Variants in BTRC observed in about 807,000 individuals in gnomAD.
The protein encoded by BTRC is beta-transducin repeat containing E3 ubiquitin protein ligase.
BTRC carries 42 observed loss-of-function variants against 85.5 expected under a neutral mutation model. The ratio of observed to expected loss-of-function variants is 0.49; its 90% confidence interval spans 0.38 to 0.64. The LOEUF is 0.64. Among genes scored for constraint, BTRC ranks in the 30% least tolerant of loss-of-function variants. The probability of loss-of-function intolerance (pLI) is 0.00; values close to 1 mark genes in which losing one functional copy is unlikely to be tolerated. For missense variants in BTRC, 594 were observed against 743.5 expected, an observed-to-expected ratio of 0.80 and a Z score of 2.34; for synonymous variants, 255 against 263.3, an observed-to-expected ratio of 0.97 and a Z score of 0.30.
At chr10:101,400,058 C>T (rs1943457480) in intron 1 of BTRC, among the ~76,000 whole-genome samples, 1 of 152,132 alleles carries the variant, frequency 6.6e-6, no homozygotes, top group South Asian at 2.1e-4. Flanking sequence ...AACCTATTCT[C>T]CTGCTAAATT....
intron 9 of BTRC, among the ~76,000 whole-genome samples, chr10:101,533,973 T>G (rs1172743447): frequency 6.6e-6 from 1 of 152,184 alleles, no homozygotes; most frequent in Non-Finnish European, 1.5e-5. Flanking sequence ...AAAAATGATA[T>G]TCTATAAAAG....
chr10:101,488,616 ATG>A (rs1946050584), intron 4 of BTRC, among the ~76,000 whole-genome samples: 1 of 152,196 alleles, frequency 6.6e-6, no homozygotes, highest in Admixed American at 6.5e-5. Flanking sequence ...GGGAAAGTAT[ATG>A]AAGCCATCAT....
chr10:101,434,836 T>C (rs1027737303), intron 2 of BTRC, among the ~76,000 whole-genome samples: 4 of 151,178 alleles, frequency 2.6e-5, no homozygotes, highest in Non-Finnish European at 5.9e-5. Flanking sequence ...GTTTCAGCCA[T>C]GTTGGCCAGG....
intron 1 of BTRC, 96 bp downstream of exon 1, chr10:101,354,324 G>A (rs1941966647): frequency 2.9e-6 from 4 of 1,359,608 alleles, no homozygotes; most frequent in Middle Eastern, 2.6e-4. Flanking sequence ...CGGGCAGCGG[G>A]ACCCTGGGCC....
In BTRC at chr10:101,430,399, C is replaced by T; in HGVS notation, c.103C>T (p.Pro35Ser). The T allele has an allele frequency of 6.2e-7, 1 of 1,614,088 alleles. No homozygotes were observed. Among genetic ancestry groups the T allele is most frequent in the Non-Finnish European group, 8.5e-7 (1 of 1,179,988 alleles). Reference protein sequence around the residue: ...LGCSSLADSMPSLRCLYNPGT... With the variant: ...LGCSSLADSMSSLRCLYNPGT... ...CTGCTCCAGCCTGGCGGACAGCATG[C>T]CTTCGCTGCGATGCCTGTATAACCC... Residue 35 changes from proline (P) to serine (S), a missense_variant, in exon 2 of 15, where the codon CCT (proline) becomes TCT (serine). By Grantham distance (74) the Pro-to-Ser change is moderately conservative. This residue lies in a region of BTRC where 163 missense variants were observed against 180.5 expected (regional missense o/e 0.90). Coordinates refer to ENST00000370187, the MANE Select transcript of BTRC (RefSeq NM_033637.4).
At chr10:101,405,266 C>G (rs924436106) in intron 1 of BTRC, among the ~76,000 whole-genome samples, 3 of 151,764 alleles carry the variant, frequency 2.0e-5, no homozygotes, top group Non-Finnish European at 2.9e-5. Flanking sequence ...AAAAAAAAAG[C>G]AATGAGGTTT....
intron 13 of BTRC, among the ~76,000 whole-genome samples, chr10:101,546,115 A>G (rs908496871): frequency 5.3e-5 from 8 of 152,232 alleles, no homozygotes; most frequent in Admixed American, 3.9e-4. Flanking sequence ...AGTACCATCA[A>G]TCAAGTGGAT....
chr10:101,500,801 T>C (rs999010438), intron 4 of BTRC, among the ~76,000 whole-genome samples: 1 of 152,244 alleles, frequency 6.6e-6, no homozygotes, highest in Non-Finnish European at 1.5e-5. Context: ...ATGATAGCAT[T>C]TCTTTGCATT....
chr10:101,384,736 A>G (rs1459704988), intron 1 of BTRC, among the ~76,000 whole-genome samples: 1 of 152,142 alleles, frequency 6.6e-6, no homozygotes, highest in African/African-American at 2.4e-5. Context: ...TTTCTGATGG[A>G]AAAGACCTAA....
intron 1 of BTRC, among the ~76,000 whole-genome samples, chr10:101,379,390 C>A (rs894893382): frequency 6.6e-6 from 1 of 152,110 alleles, no homozygotes; most frequent in African/African-American, 2.4e-5. Context: ...AAAATATAAT[C>A]TTTTGAAAGC....
At chr10:101,472,105 T>C (rs1455218342) in intron 3 of BTRC, among the ~76,000 whole-genome samples, 3 of 152,208 alleles carry the variant, frequency 2.0e-5, no homozygotes, top group Non-Finnish European at 4.4e-5. Context: ...AAACACTGAC[T>C]TTTCTTTTAC....
intron 4 of BTRC, among the ~76,000 whole-genome samples, chr10:101,517,302 A>G (rs542788849): frequency 8.5e-5 from 13 of 152,206 alleles, no homozygotes; most frequent in Non-Finnish European, 1.9e-4. Flanking sequence ...TTTACTTTGT[A>G]AAGAGCCCTG....
chr10:101,508,330 A>T (rs1390312936), intron 4 of BTRC, among the ~76,000 whole-genome samples: 1 of 152,182 alleles, frequency 6.6e-6, no homozygotes, highest in African/African-American at 2.4e-5. Context: ...AATCATTCAG[A>T]TTCATAATGT....
At chr10:101,508,664 C>A (rs1216443266) in intron 4 of BTRC, among the ~76,000 whole-genome samples, 5 of 152,044 alleles carry the variant, frequency 3.3e-5, no homozygotes, top group Non-Finnish European at 7.4e-5. Context: ...CCTGTAATCC[C>A]AGCACTTTGG....
chr10:101,492,960 A>C (rs1246975180), intron 4 of BTRC, among the ~76,000 whole-genome samples: 1 of 152,212 alleles, frequency 6.6e-6, no homozygotes, highest in African/African-American at 2.4e-5. Context: ...GAGATTTTAT[A>C]AAACTGATTT....
At chr10:101,408,384 G>A (rs961649083) in intron 1 of BTRC, among the ~76,000 whole-genome samples, 3 of 151,866 alleles carry the variant, frequency 2.0e-5, no homozygotes, top group Non-Finnish European at 4.4e-5. Context: ...TCTGTTCACT[G>A]CAGCCTTGCC....
intron 4 of BTRC, among the ~76,000 whole-genome samples, chr10:101,496,852 T>G (rs907124798): frequency 6.6e-6 from 1 of 152,232 alleles, no homozygotes; most frequent in Admixed American, 6.5e-5. Context: ...ATTTGTCTGA[T>G]GTATGTATTG....
intron 4 of BTRC, among the ~76,000 whole-genome samples, chr10:101,505,598 CGACA>C (rs982732282): frequency 6.8e-6 from 1 of 147,222 alleles, no homozygotes; most frequent in African/African-American, 2.5e-5. Context: ...CCAACCTGGG[CGACA>C]GAGCGAGACT....
chr10:101,490,947 A>G (rs1946114038), intron 4 of BTRC, among the ~76,000 whole-genome samples: 1 of 151,910 alleles, frequency 6.6e-6, no homozygotes, highest in Non-Finnish European at 1.5e-5. Flanking sequence ...TGTCCCAGCT[A>G]CTCAGGAAGC....
Sources: allele counts gnomAD v4.1 joint callset (sites outside exome capture counted in the v4.1 genomes callset), GRCh38; gene constraint gnomAD v4.1.1; regional missense constraint gnomAD v4.1.1; transcripts MANE v1.5; gene names NCBI Gene and HGNC (gene_info 2026-07-23, HGNC 2026-07-21).